Variants in GRM5 observed in about 807,000 individuals in gnomAD.
GRM5 encodes the protein glutamate metabotropic receptor 5, also known as metabotropic glutamate receptor 5.
GRM5 carries 19 observed loss-of-function variants against 83.1 expected under a neutral mutation model. The ratio of observed to expected loss-of-function variants is 0.23; its 90% CI spans 0.16 to 0.34. The LOEUF is 0.34. Ranked by LOEUF, GRM5 falls within the 10% of genes least tolerant of loss-of-function variation. The pLI, the probability that GRM5 is intolerant of heterozygous loss-of-function variation, is 1.00. For missense variants in GRM5, 1,160 were observed against 1,588.3 expected, an observed-to-expected ratio of 0.73 and a Z score of 4.58; for synonymous variants, 675 against 633.6, an observed-to-expected ratio of 1.07 and a Z score of -0.98.
chr11:88,697,936 C>T (rs1384450314), intron 3 of GRM5, among the ~76,000 whole-genome samples: 2 of 152,194 alleles, frequency 1.3e-5, no homozygotes, highest in African/African-American at 2.4e-5. Context: ...ATATGTAATC[C>T]AGTATCAAGT....
chr11:88,873,935 A>G (rs978841885), intron 2 of GRM5, among the ~76,000 whole-genome samples: 1 of 151,726 alleles, frequency 6.6e-6, no homozygotes, highest in Non-Finnish European at 1.5e-5. Flanking sequence ...ACAGACTCTT[A>G]TAAACAACTA....
chr11:88,739,904 G>A (rs1447245403), intron 3 of GRM5, among the ~76,000 whole-genome samples: 2 of 151,966 alleles, frequency 1.3e-5, no homozygotes, highest in Non-Finnish European at 2.9e-5. Flanking sequence ...GCACAATTTG[G>A]TTTGTTCCAT....
At chr11:88,904,399 C>T (rs1056212613) in intron 2 of GRM5, among the ~76,000 whole-genome samples, 2 of 152,122 alleles carry the variant, frequency 1.3e-5, no homozygotes, top group African/African-American at 4.8e-5. Context: ...CATAAGTAAC[C>T]TCAATCTCAA....
chr11:88,737,823 C>G (rs1190048265), intron 3 of GRM5, among the ~76,000 whole-genome samples: 17 of 152,110 alleles, frequency 1.1e-4, no homozygotes, highest in East Asian at 1.9e-4. Context: ...ATTTAAAAGA[C>G]AAACTGAAAT....
chr11:88,605,310 G>A (rs1938111357), intron 4 of GRM5, among the ~76,000 whole-genome samples: 1 of 151,690 alleles, frequency 6.6e-6, no homozygotes, highest in Non-Finnish European at 1.5e-5. Context: ...AGTATGAGCT[G>A]TGATAATATA....
intron 2 of GRM5, among the ~76,000 whole-genome samples, chr11:88,993,148 C>G (rs902128181): frequency 1.3e-5 from 2 of 151,608 alleles, no homozygotes; most frequent in East Asian, 3.9e-4. Context: ...CGCCTGTAGT[C>G]CTAGCTCCTC....
At position 88,852,509 on chromosome 11, in the gene GRM5, T is replaced by A. The variant is rs1944404417; in HGVS notation, c.662-2354A>T. On this transcript the variant is annotated intron_variant, in intron 2 of 9. Coordinates refer to ENST00000305447, the MANE Select transcript of GRM5 (RefSeq NM_001143831.3). ...ATCCAAAACAAAACAGTGGAGAAAATGGCACTATTACTGTACACTAGACTA... is the reference window on the plus strand; with the variant it reads ...ATCCAAAACAAAACAGTGGAGAAAAAGGCACTATTACTGTACACTAGACTA... Among the ~76,000 whole-genome samples, 4 of 152,082 alleles carry A rather than the reference T, an allele frequency of 2.6e-5. No individual in the cohort carries two copies. In the South Asian group the frequency reaches 8.3e-4, roughly 32 times the overall value.
At chr11:89,064,888 C>CTGTGTGTGTG (rs71464050) in intron 1 of GRM5, among the ~76,000 whole-genome samples, 5 of 62,262 alleles carry the variant, frequency 8.0e-5, no homozygotes, top group African/African-American at 3.5e-4. Flanking sequence ...CTCTCTCTCT[C>CTGTGTGTGTG]TGTGTGTGTG....
In GRM5 at chr11:88,732,131, A is replaced by G. The variant is rs192154129; in HGVS notation, c.912-78728T>C. Among the ~76,000 whole-genome samples, 229 of 152,144 alleles carry G rather than the reference A, an allele frequency of 1.5e-3. 2 individuals carry two copies. Among genetic ancestry groups the G allele is most frequent in the Non-Finnish European group, 2.6e-3 (178 of 67,984 alleles). The stretch of plus-strand genomic sequence containing the variant: ...CTCTGAGCCCCACTACACACTGTAC[A>G]TGTCTCTATCATAGCACTTAGCAAA... On this transcript the variant is annotated intron_variant, in intron 3 of 9. Transcript: ENST00000305447.
intron 2 of GRM5, among the ~76,000 whole-genome samples, chr11:88,983,379 G>T (rs182825027): frequency 6.6e-6 from 1 of 152,212 alleles, no homozygotes; most frequent in Non-Finnish European, 1.5e-5. Context: ...ACCACCTATT[G>T]CCAGAATGTT....
At chr11:88,766,009 C>CA (rs1366944761) in intron 3 of GRM5, among the ~76,000 whole-genome samples, 2 of 151,240 alleles carry the variant, frequency 1.3e-5, no homozygotes, top group Admixed American at 6.6e-5. Flanking sequence ...CACTCTGATT[C>CA]AAAAAAAGGC....
At chr11:88,705,237 T>C (rs1941127418) in intron 3 of GRM5, among the ~76,000 whole-genome samples, 1 of 152,032 alleles carries the variant, frequency 6.6e-6, no homozygotes, top group South Asian at 2.1e-4. Flanking sequence ...CTGACGAGCT[T>C]GAAGACTCAG....
chr11:89,061,409 C>T (rs575334782), intron 1 of GRM5, among the ~76,000 whole-genome samples: 1 of 152,042 alleles, frequency 6.6e-6, no homozygotes, highest in South Asian at 2.1e-4. Context: ...CTGTAAAAGA[C>T]AATATAGTAA....
intron 4 of GRM5, among the ~76,000 whole-genome samples, chr11:88,648,233 GC>G (rs202024616): frequency 0.032 from 4,863 of 150,184 alleles, 232 homozygotes; most frequent in Admixed American, 0.14. Flanking sequence ...ATTCACAATA[GC>G]AAAGACTTGG....
At chr11:88,768,261 C>A (rs1315357248) in intron 3 of GRM5, among the ~76,000 whole-genome samples, 1 of 151,882 alleles carries the variant, frequency 6.6e-6, no homozygotes, top group East Asian at 1.9e-4. Context: ...TATTATTCAA[C>A]CTTAAAAAGA....
chr11:88,804,478 T>G (rs1382541222), intron 3 of GRM5, among the ~76,000 whole-genome samples: 1 of 151,452 alleles, frequency 6.6e-6, no homozygotes, highest in Non-Finnish European at 1.5e-5. Flanking sequence ...TAGGTTGGAA[T>G]TGAACAATGA....
intron 2 of GRM5, among the ~76,000 whole-genome samples, chr11:88,927,258 C>A (rs1386816595): frequency 6.6e-6 from 1 of 151,900 alleles, no homozygotes; most frequent in African/African-American, 2.4e-5. Context: ...TACACGTAGC[C>A]AAATACCCCA....
intron 3 of GRM5, among the ~76,000 whole-genome samples, chr11:88,824,591 T>C (rs1943861818): frequency 6.6e-6 from 1 of 152,190 alleles, no homozygotes; most frequent in Admixed American, 6.5e-5. Flanking sequence ...ATAAGTAGTA[T>C]GCAACCTAGA....
intron 2 of GRM5, among the ~76,000 whole-genome samples, chr11:88,990,033 G>C (rs543161363): frequency 6.6e-6 from 1 of 151,774 alleles, no homozygotes; most frequent in African/African-American, 2.4e-5. Context: ...GAAGGAAGTA[G>C]AGACACAAAA....
Sources: gnomAD v4.1 joint callset for allele counts (sites outside exome capture counted in the v4.1 genomes callset) on GRCh38, gnomAD v4.1.1 for gene constraint, MANE v1.5 for transcripts, NCBI Gene and HGNC (gene_info 2026-07-23, HGNC 2026-07-21) for gene names.